Variants in ANKS1B observed in about 807,000 individuals in gnomAD.
ANKS1B encodes ankyrin repeat and sterile alpha motif domain containing 1B.
ANKS1B carries 36 observed loss-of-function variants against 148.3 expected under a neutral mutation model. That is an observed-to-expected ratio of 0.24 (90% CI 0.19 to 0.32). The LOEUF (loss-of-function observed/expected upper bound fraction) is 0.32. ANKS1B is among the 10% of genes least tolerant of loss of function. The pLI, the probability that ANKS1B is intolerant of heterozygous loss-of-function variation, is 1.00. For missense variants in ANKS1B, 1,157 were observed against 1,542.6 expected (o/e 0.75, Z 4.19); for synonymous variants, 542 against 560.8 (o/e 0.97, Z 0.47).
intron 11 of ANKS1B, among the ~76,000 whole-genome samples, chr12:99,407,091 G>A (rs2094548315): frequency 1.4e-5 from 2 of 145,492 alleles, no homozygotes; most frequent in Admixed American, 6.8e-5. Context: ...AAAACTACGG[G>A]CCAATATTCC....
chr12:99,292,476 C>G (rs1443276083), intron 12 of ANKS1B, among the ~76,000 whole-genome samples: 1 of 150,634 alleles, frequency 6.6e-6, no homozygotes, highest in Non-Finnish European at 1.5e-5. Flanking sequence ...AATCACGCCA[C>G]TGCACTCCAG....
At chr12:98,746,004 A>G in intron 26 of ANKS1B, 155 bp from the exon 27 acceptor site, 1 of 712,570 alleles carries the variant, frequency 1.4e-6, no homozygotes, top group Non-Finnish European at 2.2e-6. Flanking sequence ...CTTTGGACAC[A>G]CATTTACCGC....
At chr12:99,735,007 T>A (rs2153573131) in intron 8 of ANKS1B, among the ~76,000 whole-genome samples, 1 of 152,324 alleles carries the variant, frequency 6.6e-6, no homozygotes, top group South Asian at 2.1e-4. Flanking sequence ...CCTAGAAGTC[T>A]TAAGGTCAAT....
intron 1 of ANKS1B, among the ~76,000 whole-genome samples, chr12:99,949,490 G>A (rs1485165977): frequency 6.6e-6 from 1 of 152,086 alleles, no homozygotes; most frequent in Non-Finnish European, 1.5e-5. Context: ...AAATATTGGG[G>A]TTAATAAGTT....
intron 11 of ANKS1B, among the ~76,000 whole-genome samples, chr12:99,439,237 G>C (rs2095510553): frequency 6.6e-6 from 1 of 151,578 alleles, no homozygotes; most frequent in African/African-American, 2.4e-5. Context: ...AAAAAAGTGG[G>C]AGCATATATT....
intron 12 of ANKS1B, among the ~76,000 whole-genome samples, chr12:99,313,686 G>C (rs558554079): frequency 6.6e-6 from 1 of 152,102 alleles, no homozygotes; most frequent in South Asian, 2.1e-4. Context: ...ATCTCAGTAG[G>C]TGCAGAAAAG....
intron 1 of ANKS1B, among the ~76,000 whole-genome samples, chr12:99,977,632 T>G (rs140389074): frequency 1.3e-5 from 2 of 152,220 alleles, no homozygotes; most frequent in Non-Finnish European, 2.9e-5. Context: ...GTATTTGATA[T>G]CCTACTGACA....
At chr12:98,798,048 C>G (rs574880761) in intron 22 of ANKS1B, among the ~76,000 whole-genome samples, 1 of 151,818 alleles carries the variant, frequency 6.6e-6, no homozygotes, top group South Asian at 2.1e-4. Context: ...GTCTGCAATA[C>G]GAGTTAGAGT....
chr12:99,055,392 G>A (rs994422061), intron 16 of ANKS1B, among the ~76,000 whole-genome samples: 3 of 152,118 alleles, frequency 2.0e-5, no homozygotes, highest in Middle Eastern at 3.2e-3. Flanking sequence ...GCAGATACTC[G>A]GGAAAAGCTT....
In ANKS1B at chr12:99,192,669, C is replaced by T. The variant is rs146338082; in HGVS notation, c.2420-38274G>A. ...TATCACATTTTAAATAATTGAAAAA[C>T]GTATACAAATATATGTTGCCCAAAA... On this transcript the variant is annotated intron_variant, in intron 14 of 26. Transcript: ENST00000683438. Among the ~76,000 whole-genome samples, 686 of 151,994 alleles carry T rather than the reference C, an allele frequency of 4.5e-3. 5 individuals carry two copies. The highest frequency in any genetic ancestry group is 0.016 in the African/African-American group (660 of 41,470).
In ANKS1B at chr12:99,819,492, G is replaced by A. The variant is rs142606665; in HGVS notation, c.215+5817C>T. Among the ~76,000 whole-genome samples the A allele has an allele frequency of 2.7e-3, 411 of 151,560 alleles. 1 individual carries two copies. Among genetic ancestry groups the A allele is most frequent in the African/African-American group, 8.8e-3 (365 of 41,420 alleles). ...ATGGATTCTAGATCCAATTTGATAC[G>A]CAATCTGGATTACAGATAATGAGAT... is the stretch of plus-strand genomic sequence containing the variant. On this transcript the variant is annotated intron_variant, in intron 2 of 26. Coordinates refer to ENST00000683438, the MANE Select transcript of ANKS1B (RefSeq NM_001352186.2).
intron 17 of ANKS1B, among the ~76,000 whole-genome samples, chr12:98,843,842 C>T (rs2099427904): frequency 6.6e-6 from 1 of 152,180 alleles, no homozygotes; most frequent in African/African-American, 2.4e-5. Context: ...AGGTTTTGTA[C>T]TGATCTAAAT....
At chr12:99,582,032 T>C (rs1408504450) in intron 9 of ANKS1B, among the ~76,000 whole-genome samples, 1 of 152,050 alleles carries the variant, frequency 6.6e-6, no homozygotes, top group African/African-American at 2.4e-5. Context: ...TAACTGGTTT[T>C]TGTTTAATCA....
intron 1 of ANKS1B, among the ~76,000 whole-genome samples, chr12:99,977,629 A>G (rs989513895): frequency 2.0e-5 from 3 of 152,228 alleles, no homozygotes; most frequent in Non-Finnish European, 4.4e-5. Flanking sequence ...AATGTATTTG[A>G]TATCCTACTG....
chr12:99,280,840 A>ATCTCTCTC (rs142595888), intron 12 of ANKS1B, among the ~76,000 whole-genome samples: 15 of 144,532 alleles, frequency 1.0e-4, no homozygotes, highest in Admixed American at 3.5e-4. Flanking sequence ...CTTATAATAA[A>ATCTCTCTC]TCTCTCTCTC....
chr12:99,373,665 C>T (rs1268662752), intron 12 of ANKS1B, among the ~76,000 whole-genome samples: 2 of 151,942 alleles, frequency 1.3e-5, no homozygotes, highest in African/African-American at 2.4e-5. Context: ...AGTTACTGCT[C>T]TTTTTGAATA....
chr12:99,730,844 CTTA>C (rs2059069201), intron 8 of ANKS1B, among the ~76,000 whole-genome samples: 1 of 152,156 alleles, frequency 6.6e-6, no homozygotes, highest in Non-Finnish European at 1.5e-5. Context: ...TCTTCATCTA[CTTA>C]TTATTTAAAT....
chr12:99,833,189 T>C (rs2084306810), intron 1 of ANKS1B, among the ~76,000 whole-genome samples: 1 of 152,222 alleles, frequency 6.6e-6, no homozygotes, highest in Admixed American at 6.5e-5. Context: ...GGAAGAAAGA[T>C]AGGTTTGCTC....
At chr12:99,039,779 C>T (rs533415839) in intron 17 of ANKS1B, among the ~76,000 whole-genome samples, 186 of 152,312 alleles carry the variant, frequency 1.2e-3, no homozygotes, top group South Asian at 2.3e-3. Context: ...CATGCTGGTG[C>T]GCTGCACCCA....
Sources: allele counts gnomAD v4.1 joint callset (sites outside exome capture counted in the v4.1 genomes callset), GRCh38; gene constraint gnomAD v4.1.1; transcripts MANE v1.5; gene names NCBI Gene and HGNC (gene_info 2026-07-23, HGNC 2026-07-21).